The following LHFPL6 variants were observed in gnomAD, a reference collection of about 807,000 sequenced individuals.
LHFPL6 encodes LHFPL tetraspan subfamily member 6, also known as LHFPL tetraspan subfamily member 6 protein.
Under a neutral mutation model 20.6 loss-of-function variants are expected in LHFPL6, and 9 were observed. The ratio of observed to expected loss-of-function variants is 0.44; its 90% CI spans 0.26 to 0.76. LHFPL6 has a LOEUF of 0.76. LHFPL6 is among the 30% of genes least tolerant of loss of function. The pLI, the probability that LHFPL6 is intolerant of heterozygous loss-of-function variation, is 0.20. For missense variants in LHFPL6, 218 were observed against 253.5 expected (o/e 0.86, Z 0.95); for synonymous variants, 105 against 98.7 (o/e 1.06, Z -0.38).
intron 2 of LHFPL6, among the ~76,000 whole-genome samples, chr13:39,500,918 A>C (rs547547386): frequency 6.6e-6 from 1 of 152,238 alleles, no homozygotes; most frequent in South Asian, 2.1e-4. Context: ...TCACCTGGAA[A>C]ACTTAGGAAA....
rs60336579 is a variant in LHFPL6, at chr13:39,368,191, C to T, written c.484+10237G>A. Among the ~76,000 whole-genome samples the T allele has an allele frequency of 3.4e-4, 52 of 151,482 alleles. No individual in the cohort carries two copies. The East Asian group carries it at 9.2e-3, about 27-fold the overall frequency. Reference sequence around the variant, plus strand: ...CTAAGAATTACAAAAATTAGCCGGGCATTGTTGTGCATACCTGTAATCCCA... The same window carrying T: ...CTAAGAATTACAAAAATTAGCCGGGTATTGTTGTGCATACCTGTAATCCCA... On this transcript the variant is annotated intron_variant, in intron 3 of 3. Transcript: ENST00000379589.
chr13:39,506,900 G>A (rs1416991824), intron 2 of LHFPL6, among the ~76,000 whole-genome samples: 2 of 152,156 alleles, frequency 1.3e-5, no homozygotes, highest in Non-Finnish European at 2.9e-5. Context: ...TATTTTAAAT[G>A]GCTTAGTGCT....
At chr13:39,441,499 G>GA (rs11394386) in intron 2 of LHFPL6, among the ~76,000 whole-genome samples, 24,413 of 151,130 alleles carry the variant, frequency 0.16, 2,205 homozygotes, top group Non-Finnish European at 0.2. Flanking sequence ...CAGAATTTCT[G>GA]AAAAAAAATA....
At chr13:39,512,328 T>C (rs981569533) in intron 2 of LHFPL6, among the ~76,000 whole-genome samples, 1 of 152,008 alleles carries the variant, frequency 6.6e-6, no homozygotes, top group Non-Finnish European at 1.5e-5. Context: ...CCAGGCTGGG[T>C]GCGGTGGCTC....
chr13:39,572,226 T>A (rs913867400), intron 2 of LHFPL6, among the ~76,000 whole-genome samples: 1 of 151,806 alleles, frequency 6.6e-6, no homozygotes, highest in Non-Finnish European at 1.5e-5. Context: ...GCATTTAAGA[T>A]AGAAAAATCT....
At chr13:39,377,011 A>G (rs538680005) in intron 3 of LHFPL6, among the ~76,000 whole-genome samples, 1 of 152,248 alleles carries the variant, frequency 6.6e-6, no homozygotes, top group South Asian at 2.1e-4. Flanking sequence ...CTTCCTCTGA[A>G]GCAGATCATA....
intron 2 of LHFPL6, among the ~76,000 whole-genome samples, chr13:39,583,169 C>CT (rs34898470): frequency 0.79 from 89,937 of 114,158 alleles, 35,798 homozygotes; most frequent in East Asian, 0.91. Context: ...ATGCCAAATT[C>CT]TTTTTTTTTT....
intron 3 of LHFPL6, among the ~76,000 whole-genome samples, chr13:39,344,523 G>A (rs1869338141): frequency 6.6e-6 from 1 of 152,198 alleles, no homozygotes. Flanking sequence ...TGCCATTTAT[G>A]TGGAATGGTC....
chr13:39,497,140 C>A (rs190345877), intron 2 of LHFPL6, among the ~76,000 whole-genome samples: 1 of 152,178 alleles, frequency 6.6e-6, no homozygotes, highest in African/African-American at 2.4e-5. Flanking sequence ...TCTACTAATG[C>A]GCTTTAAGCC....
At chr13:39,488,786 A>C (rs777929319) in intron 2 of LHFPL6, among the ~76,000 whole-genome samples, 14 of 152,230 alleles carry the variant, frequency 9.2e-5, no homozygotes, top group Non-Finnish European at 1.9e-4. Flanking sequence ...GGTGCTAATT[A>C]GATTTAAAAC....
At chr13:39,362,982 C>T (rs1869917011) in intron 3 of LHFPL6, among the ~76,000 whole-genome samples, 1 of 152,226 alleles carries the variant, frequency 6.6e-6, no homozygotes, top group South Asian at 2.1e-4. Context: ...AGCCCATTTT[C>T]CTCCACAAAA....
At chr13:39,470,528 G>A (rs1024892361) in intron 2 of LHFPL6, among the ~76,000 whole-genome samples, 2 of 151,958 alleles carry the variant, frequency 1.3e-5, no homozygotes, top group Non-Finnish European at 2.9e-5. Flanking sequence ...TCTTTTATAT[G>A]ACTTAAATTA....
At chr13:39,541,143 C>A (rs935981751) in intron 2 of LHFPL6, among the ~76,000 whole-genome samples, 3 of 152,190 alleles carry the variant, frequency 2.0e-5, no homozygotes, top group Non-Finnish European at 2.9e-5. Flanking sequence ...ACATAAGCCA[C>A]CTCTGGGAAG....
At chr13:39,595,757 T>G (rs1433790208) in intron 2 of LHFPL6, among the ~76,000 whole-genome samples, 1 of 152,202 alleles carries the variant, frequency 6.6e-6, no homozygotes, top group Non-Finnish European at 1.5e-5. Flanking sequence ...CAAGAGTTTC[T>G]CATCTTCTTC....
intron 2 of LHFPL6, among the ~76,000 whole-genome samples, chr13:39,568,831 G>A (rs1384806706): frequency 1.3e-5 from 2 of 152,108 alleles, no homozygotes; most frequent in Non-Finnish European, 2.9e-5. Flanking sequence ...CAGCAGACCA[G>A]AATTTGAGTT....
intron 2 of LHFPL6, among the ~76,000 whole-genome samples, chr13:39,415,636 G>A (rs1450068229): frequency 6.6e-6 from 1 of 152,184 alleles, no homozygotes; most frequent in Admixed American, 6.5e-5. Context: ...GTGGCTTTCT[G>A]GCATATCTTT....
At chr13:39,542,696 C>T (rs1220478583) in intron 2 of LHFPL6, among the ~76,000 whole-genome samples, 1 of 152,142 alleles carries the variant, frequency 6.6e-6, no homozygotes, top group African/African-American at 2.4e-5. Flanking sequence ...TCTGCAACCC[C>T]CAACATGATT....
chr13:39,596,772 C>A lies in LHFPL6; in HGVS notation c.385+4060G>T, dbSNP rs568761288. Among the ~76,000 whole-genome samples, 5 of 152,296 alleles carry A rather than the reference C, an allele frequency of 3.3e-5. No homozygotes were observed. The South Asian group carries it at 1.0e-3, about 32-fold the overall frequency. ...GACACTGTCACAGAAAGCCACTATG[C>A]CCATTAATATGCCAACACTCATTAT... On this transcript the variant is annotated intron_variant, in intron 2 of 3. Coordinates refer to ENST00000379589, the MANE Select transcript of LHFPL6 (RefSeq NM_005780.3).
chr13:39,602,974 C>T lies in LHFPL6; in HGVS notation c.-266G>A, dbSNP rs1014303855. The T allele has an allele frequency of 6.6e-6, 1 of 152,284 alleles. No homozygotes were observed. The highest frequency in any genetic ancestry group is 1.5e-5 in the Non-Finnish European group (1 of 68,114). The allele number at this position is 152,284 out of a possible 1,614,324, so 9.4% of individuals were successfully genotyped here. ...TCGGGCGGGAACATCCACGGGAAACCGGACCGTCCTGCCCTTCTTTGCCTC... is the reference window on the plus strand; with the variant it reads ...TCGGGCGGGAACATCCACGGGAAACTGGACCGTCCTGCCCTTCTTTGCCTC... On this transcript the variant is annotated 5_prime_UTR_variant, in exon 1 of 4. Coordinates refer to ENST00000379589, the MANE Select transcript of LHFPL6 (RefSeq NM_005780.3).
Sources: allele counts gnomAD v4.1 joint callset (sites outside exome capture counted in the v4.1 genomes callset), GRCh38; gene constraint gnomAD v4.1.1; transcripts MANE v1.5; gene names NCBI Gene and HGNC (gene_info 2026-07-23, HGNC 2026-07-21).